Variants in EYS observed in about 807,000 individuals in gnomAD.
EYS encodes the protein EGF-like photoreceptor maintenance factor, also known as protein eyes shut homolog.
Under a neutral mutation model 282.1 loss-of-function variants are expected in EYS, and 250 were observed. The observed-to-expected ratio is 0.89, with a 90% CI of 0.80 to 0.98. The LOEUF (loss-of-function observed/expected upper bound fraction) is 0.98, where lower values mean the gene tolerates loss of function less well. Among genes scored for constraint, EYS ranks in the 50% least tolerant of loss-of-function variants. The pLI, the probability that EYS is intolerant of heterozygous loss-of-function variation, is 0.00. For synonymous variants in EYS, 1,355 were observed against 1,282.9 expected, an observed-to-expected ratio of 1.06 and a Z score of -1.20; for missense variants, 4,016 against 3,709.0, an observed-to-expected ratio of 1.08 and a Z score of -2.15.
intron 19 of EYS, among the ~76,000 whole-genome samples, chr6:64,851,929 T>A (rs921520289): frequency 6.6e-6 from 1 of 151,948 alleles, no homozygotes; most frequent in African/African-American, 2.4e-5. Context: ...CATGAATAAG[T>A]TTACAGGTGT....
At chr6:64,641,162 A>G (rs978364536) in intron 22 of EYS, among the ~76,000 whole-genome samples, 1 of 152,220 alleles carries the variant, frequency 6.6e-6, no homozygotes, top group African/African-American at 2.4e-5. Context: ...TTACAGTTCC[A>G]TGTGGCTAGG....
chr6:64,356,447 T>C (rs1046548352), intron 29 of EYS, among the ~76,000 whole-genome samples: 1 of 151,698 alleles, frequency 6.6e-6, no homozygotes, highest in African/African-American at 2.4e-5. Context: ...CTTAGCCTCT[T>C]CCCCCTGAAG....
chr6:64,949,717 C>A (rs1481119025), intron 14 of EYS, among the ~76,000 whole-genome samples: 1 of 151,872 alleles, frequency 6.6e-6, no homozygotes, highest in Non-Finnish European at 1.5e-5. Context: ...AGGGCATATA[C>A]ACCAGGAGAT....
At chr6:65,122,424 A>G (rs1213306046) in intron 12 of EYS, among the ~76,000 whole-genome samples, 5 of 152,134 alleles carry the variant, frequency 3.3e-5, no homozygotes, top group Non-Finnish European at 7.4e-5. Context: ...TAGACATAAT[A>G]AGGTGAAAGT....
chr6:64,693,189 T>C (rs566246064), intron 22 of EYS, among the ~76,000 whole-genome samples: 1 of 151,874 alleles, frequency 6.6e-6, no homozygotes, highest in African/African-American at 2.4e-5. Flanking sequence ...ATTTAAAATA[T>C]TATCATGTTC....
intron 2 of EYS, among the ~76,000 whole-genome samples, chr6:65,546,279 A>G (rs967264286): frequency 1.3e-4 from 19 of 149,212 alleles, no homozygotes; most frequent in African/African-American, 4.4e-4. Context: ...TGCTTACCTC[A>G]GCCTCCAAAA....
intron 5 of EYS, among the ~76,000 whole-genome samples, chr6:65,433,096 G>T (rs1338541826): frequency 6.6e-6 from 1 of 152,058 alleles, no homozygotes; most frequent in Non-Finnish European, 1.5e-5. Context: ...CATCAAGTGG[G>T]CAGTTAGATA....
chr6:64,429,481 A>C (rs1774512741), intron 28 of EYS, among the ~76,000 whole-genome samples: 1 of 152,166 alleles, frequency 6.6e-6, no homozygotes, highest in Admixed American at 6.5e-5. Context: ...AAATACAAAA[A>C]TTAGCTGGGC....
intron 12 of EYS, among the ~76,000 whole-genome samples, chr6:65,253,423 G>T (rs1767377986): frequency 6.6e-6 from 1 of 151,790 alleles, no homozygotes; most frequent in African/African-American, 2.4e-5. Context: ...CGCCCACTGA[G>T]GTCATCATAC....
intron 2 of EYS, among the ~76,000 whole-genome samples, chr6:65,559,808 T>C (rs933323697): frequency 7.9e-5 from 12 of 152,058 alleles, no homozygotes; most frequent in Admixed American, 7.2e-4. Flanking sequence ...GAATTTATGG[T>C]ACTGAAAATT....
chr6:64,132,482 C>T (rs1000112991), intron 31 of EYS, among the ~76,000 whole-genome samples: 2 of 151,790 alleles, frequency 1.3e-5, no homozygotes, highest in Admixed American at 1.3e-4. Context: ...TCTTTTCTTG[C>T]AAGAGTTCAT....
intron 26 of EYS, among the ~76,000 whole-genome samples, chr6:64,565,254 AT>A (rs1045165493): frequency 1.3e-5 from 2 of 152,138 alleles, no homozygotes; most frequent in African/African-American, 2.4e-5. Flanking sequence ...TCCGAGAAAT[AT>A]CACTATCCAG....
chr6:64,061,088 G>C (rs1393399301), intron 33 of EYS, among the ~76,000 whole-genome samples: 1 of 152,092 alleles, frequency 6.6e-6, no homozygotes, highest in East Asian at 1.9e-4. Context: ...TATACCTCTG[G>C]ATAAATCTTT....
At chr6:64,871,282 C>A (rs1195050812) in intron 19 of EYS, among the ~76,000 whole-genome samples, 1 of 149,988 alleles carries the variant, frequency 6.7e-6, no homozygotes, top group Non-Finnish European at 1.5e-5. Context: ...AACAGGCCAT[C>A]ATTAAACTTT....
intron 14 of EYS, among the ~76,000 whole-genome samples, chr6:64,992,575 C>T (rs1771100556): frequency 6.6e-6 from 1 of 151,876 alleles, no homozygotes; most frequent in Admixed American, 6.6e-5. Flanking sequence ...TTTTGTCACA[C>T]TCCAAAGTAT....
chr6:65,286,266 A>C (rs889813348), intron 12 of EYS, among the ~76,000 whole-genome samples: 5 of 151,748 alleles, frequency 3.3e-5, no homozygotes, highest in Non-Finnish European at 7.4e-5. Flanking sequence ...CCTTTTATAC[A>C]TTATCTCAAT....
chr6:64,784,336 G>A (rs775615934), intron 22 of EYS, among the ~76,000 whole-genome samples: 6 of 151,808 alleles, frequency 4.0e-5, no homozygotes, highest in African/African-American at 1.5e-4. Flanking sequence ...ATATATGTCC[G>A]TGATATAAGA....
intron 12 of EYS, among the ~76,000 whole-genome samples, chr6:65,252,586 G>T (rs1182458703): frequency 6.6e-6 from 1 of 151,902 alleles, no homozygotes; most frequent in Non-Finnish European, 1.5e-5. Flanking sequence ...TTCAACATAT[G>T]AAGAACCAGA....
intron 5 of EYS, among the ~76,000 whole-genome samples, chr6:65,468,358 A>G (rs1285214813): frequency 2.6e-5 from 4 of 152,232 alleles, no homozygotes; most frequent in East Asian, 1.9e-4. Flanking sequence ...GGACTTTGCT[A>G]TTATTCCCAC....
Sources: gnomAD v4.1 joint callset for allele counts (sites outside exome capture counted in the v4.1 genomes callset) on GRCh38, gnomAD v4.1.1 for gene constraint, MANE v1.5 for transcripts, NCBI Gene and HGNC (gene_info 2026-07-23, HGNC 2026-07-21) for gene names.